The following HUWE1 variants were observed in gnomAD, a reference collection of about 807,000 sequenced individuals.
HUWE1 encodes HECT, UBA and WWE domain containing E3 ubiquitin protein ligase 1.
HUWE1 carries 18 observed loss-of-function variants against 299.4 expected under a neutral mutation model. The ratio of observed to expected loss-of-function variants is 0.06; its 90% CI spans 0.04 to 0.09. The LOEUF is 0.09. Ranked by LOEUF, HUWE1 falls within the 10% of genes least tolerant of loss-of-function variation. HUWE1 has a pLI of 1.00. For missense variants in HUWE1, 1,832 were observed against 3,462.3 expected, an observed-to-expected ratio of 0.53 and a Z score of 11.82; for synonymous variants, 1,317 against 1,286.1, an observed-to-expected ratio of 1.02 and a Z score of -0.51.
intron 19 of HUWE1, among the ~76,000 whole-genome samples, chrX:53,624,121 T>G (rs1557014800): frequency 1.8e-5 from 2 of 111,799 alleles, no homozygotes; most frequent in Non-Finnish European, 1.9e-5. Context: ...TTTTATATCC[T>G]TGCAGGATTT....
intron 72 of HUWE1, among the ~76,000 whole-genome samples, chrX:53,544,250 T>C (rs782705484): frequency 2.7e-5 from 3 of 111,811 alleles, no homozygotes; most frequent in Non-Finnish European, 5.6e-5. Context: ...ACGGCTTAGT[T>C]AGAAATGACC....
At chrX:53,671,719 G>A (rs12832904) in intron 3 of HUWE1, among the ~76,000 whole-genome samples, 4 of 104,951 alleles carry the variant, frequency 3.8e-5, no homozygotes, top group African/African-American at 1.1e-4. Context: ...CGTGAACCCC[G>A]GGGGGCGGAG....
intron 3 of HUWE1, among the ~76,000 whole-genome samples, chrX:53,675,951 C>T (rs914182024): frequency 9.0e-6 from 1 of 110,990 alleles, no homozygotes; most frequent in Admixed American, 9.6e-5. Context: ...TAGCTAAGAC[C>T]CTTCAGAGGG....
At chrX:53,642,611 T>C (rs782250817) in intron 7 of HUWE1, among the ~76,000 whole-genome samples, 1 of 112,452 alleles carries the variant, frequency 8.9e-6, no homozygotes, top group Admixed American at 9.4e-5. Context: ...TACACTCCTA[T>C]GAACAATGTA....
chrX:53,555,481 A>G (rs375844612), intron 60 of HUWE1, among the ~76,000 whole-genome samples: 53 of 109,784 alleles, frequency 4.8e-4, no homozygotes, highest in African/African-American at 1.6e-3. Flanking sequence ...ATGTGCCACC[A>G]TACCTGACTA....
intron 23 of HUWE1, among the ~76,000 whole-genome samples, chrX:53,612,845 A>C (rs2065570114): frequency 8.9e-6 from 1 of 111,783 alleles, no homozygotes; most frequent in Admixed American, 9.5e-5. Context: ...CAAGAAAGGA[A>C]AGGAGGGTAA....
intron 44 of HUWE1, among the ~76,000 whole-genome samples, chrX:53,576,003 C>G (rs782809968): frequency 1.8e-5 from 2 of 112,399 alleles, no homozygotes; most frequent in Non-Finnish European, 3.8e-5. Context: ...CTTTCCTAAG[C>G]TGTAACTACA....
intron 73 of HUWE1, chrX:53,543,635 G>T: frequency 1.8e-6 from 1 of 565,837 alleles, no homozygotes; most frequent in Non-Finnish European, 2.7e-6. Context: ...GGGGTATGAT[G>T]GCCAAGCTTT....
intron 43 of HUWE1, chrX:53,579,972 AAAAT>A (rs1370216427): frequency 1.8e-5 from 2 of 110,494 alleles, no homozygotes; most frequent in Non-Finnish European, 3.8e-5. Flanking sequence ...AAAAAAAAAT[AAAAT>A]AAAAAAACAA....
At chrX:53,671,562 G>A (rs914380979) in intron 3 of HUWE1, among the ~76,000 whole-genome samples, 2 of 110,990 alleles carry the variant, frequency 1.8e-5, no homozygotes, top group Admixed American at 9.5e-5. Flanking sequence ...AGGCCGAGGC[G>A]GGCGGATCAC....
At chrX:53,636,138 T>C (rs927681313) in intron 7 of HUWE1, among the ~76,000 whole-genome samples, 13 of 112,303 alleles carry the variant, frequency 1.2e-4, no homozygotes, top group Non-Finnish European at 2.3e-4. Flanking sequence ...TAGGGCTTAC[T>C]TCTCTAGTGA....
rs2065861735 is a variant in HUWE1, at chrX:53,617,366, T to G, written c.1753A>C (p.Met585Leu). The G allele has an allele frequency of 1.7e-6, 2 of 1,193,832 alleles. No individual in the cohort carries two copies. Among genetic ancestry groups the G allele is most frequent in the Admixed American group, 2.2e-5 (1 of 45,597 alleles). ...TCTTTGATAAGCAGTGCATGCAGCA[T>G]GACATCTGTCAATCCATTGTCCTGG... ...SLQDNGLTDV[M>L]LHALLIKDVP... Residue 585 changes from methionine (M) to leucine (L), a missense_variant, in exon 20 of 84, where the codon ATG (methionine) becomes CTG (leucine). Around this residue, in one of 15 missense-constraint regions of HUWE1, gnomAD observed 658 missense variants for 1,282.6 expected, o/e 0.51. Transcript: ENST00000262854.
chrX:53,652,916 T>C (rs1244677685), intron 4 of HUWE1, among the ~76,000 whole-genome samples: 1 of 112,680 alleles, frequency 8.9e-6, no homozygotes, highest in Non-Finnish European at 1.9e-5. Flanking sequence ...GATAATTGTG[T>C]GTGCACATGT....
intron 30 of HUWE1, 70 bp downstream of exon 30, chrX:53,595,117 G>C: frequency 1.1e-6 from 1 of 920,576 alleles, no homozygotes; most frequent in Non-Finnish European, 1.6e-6. Context: ...TCCATTTTAA[G>C]TAGTATAGGA....
intron 7 of HUWE1, among the ~76,000 whole-genome samples, chrX:53,634,905 C>G (rs1178990935): frequency 3.6e-5 from 4 of 112,508 alleles, no homozygotes; most frequent in Non-Finnish European, 7.5e-5. Flanking sequence ...AAATACAAAA[C>G]TTCAGCCACA....
Position 53,628,479 on chromosome X carries a change from A to AAAAGT in HUWE1, c.1242+13_1242+14insACTTT. ...CCATGTAGTTTAAAAAAAAAAAAAA[A>AAAAGT]AAAAGTACAGCACCTTCAATAAGGC... On this transcript the variant is annotated intron_variant, in intron 15 of 83. Transcript: ENST00000262854. 8.7e-7 allele frequency: 1 copy of AAAAGT among 1,153,861 alleles called. No homozygotes were observed. The highest frequency in any genetic ancestry group is 1.2e-6 in the Non-Finnish European group (1 of 868,757).
chrX:53,627,712 T>C (rs1557019147), intron 16 of HUWE1, 27 bp downstream of exon 16: 3 of 1,168,098 alleles, frequency 2.6e-6, no homozygotes. Flanking sequence ...TTAAATTCTG[T>C]GCAAAGCATT....
At position 53,631,578 on chromosome X, in the gene HUWE1, G is replaced by T; in HGVS notation, c.682C>A (p.Gln228Lys). 1 of 1,199,241 alleles carries T rather than the reference G, an allele frequency of 8.3e-7. No individual in the cohort carries two copies. The highest frequency in any genetic ancestry group is 1.1e-6 in the Non-Finnish European group (1 of 884,838). The change falls in exon 10 of 84, where the codon CAA becomes AAA. Residue 228 changes from glutamine to lysine, a missense_variant. Coordinates refer to ENST00000262854, the MANE Select transcript of HUWE1 (RefSeq NM_031407.7). ...AAGATTCCTCTTACCTTGTCAAGTTGCTCTATGTGAATATAATGTAGTGTG... is the reference window on the plus strand; with the variant it reads ...AAGATTCCTCTTACCTTGTCAAGTTTCTCTATGTGAATATAATGTAGTGTG... ...SNTLHYIHIEQLDKISESPSE... is the reference protein window; with the variant it reads ...SNTLHYIHIEKLDKISESPSE...
At chrX:53,678,945 G>A (rs2069978300) in intron 3 of HUWE1, among the ~76,000 whole-genome samples, 1 of 111,686 alleles carries the variant, frequency 9.0e-6, no homozygotes, top group Non-Finnish European at 1.9e-5. Context: ...ATCAGACTTT[G>A]CCACAGAAAA....
Sources: allele counts gnomAD v4.1 joint callset (sites outside exome capture counted in the v4.1 genomes callset), GRCh38; gene constraint gnomAD v4.1.1; regional missense constraint gnomAD v4.1.1; transcripts MANE v1.5; gene names NCBI Gene and HGNC (gene_info 2026-07-23, HGNC 2026-07-21).